Variants in ZMYM2 observed in about 807,000 individuals in gnomAD.
ZMYM2 encodes zinc finger MYM-type protein 2.
A neutral mutation model predicts 162.8 loss-of-function variants in ZMYM2; 56 were observed. The ratio of observed to expected loss-of-function variants is 0.34; its 90% confidence interval spans 0.28 to 0.43. ZMYM2 has a LOEUF of 0.43. Ranked by LOEUF, ZMYM2 falls within the 20% of genes least tolerant of loss-of-function variation. The pLI, the probability that ZMYM2 is intolerant of heterozygous loss-of-function variation, is 1.00. For synonymous variants in ZMYM2, 510 were observed against 541.6 expected (o/e 0.94, Z 0.81); for missense variants, 1,275 against 1,621.8 (o/e 0.79, Z 3.67).
At chr13:19,915,280 G>C in the ZMYM2 span, among the ~76,000 whole-genome samples, 1 of 151,744 alleles carries the variant, frequency 6.6e-6, no homozygotes, top group African/African-American at 2.4e-5. Context: ...AATTTTAAAA[G>C]AGATAGATCT....
chr13:19,983,801 CTATTTTTTG>C (rs67564320), intron 2 of ZMYM2, among the ~76,000 whole-genome samples: 10,371 of 151,704 alleles, frequency 0.068, 456 homozygotes, highest in African/African-American at 0.12. Context: ...TCTAATTTTC[CTATTTTTTG>C]TAGAGTTGGG....
chr13:19,939,020 A>ATTTTTT, the ZMYM2 span, among the ~76,000 whole-genome samples: 2 of 124,140 alleles, frequency 1.6e-5, no homozygotes, highest in Non-Finnish European at 3.3e-5. Context: ...CTTTGTTGTA[A>ATTTTTT]TTTTTTTTTT....
At chr13:19,999,406 C>G (rs1950238757) in intron 3 of ZMYM2, among the ~76,000 whole-genome samples, 1 of 152,070 alleles carries the variant, frequency 6.6e-6, no homozygotes. Flanking sequence ...TTACGGTGAT[C>G]TGTGATCAGT....
intron 15 of ZMYM2, 115 bp from the exon 16 acceptor site, chr13:20,059,330 TAA>T (rs11432433): frequency 2.8e-5 from 21 of 758,382 alleles, no homozygotes; most frequent in Admixed American, 2.0e-4. Flanking sequence ...AACTGGGAAT[TAA>T]AAAAAAAAAG....
intron 7 of ZMYM2, among the ~76,000 whole-genome samples, chr13:20,023,656 C>CA (rs1952312487): frequency 6.6e-6 from 1 of 151,866 alleles, no homozygotes; most frequent in Non-Finnish European, 1.5e-5. Context: ...TCCCCATGCC[C>CA]AAAAAGGGAA....
intron 2 of ZMYM2, among the ~76,000 whole-genome samples, chr13:19,989,353 G>T (rs1226907898): frequency 6.6e-6 from 1 of 152,102 alleles, no homozygotes; most frequent in Non-Finnish European, 1.5e-5. Context: ...ACCCAGGCTG[G>T]AGTGCAGTGG....
At chr13:20,001,911 T>C (rs562473984) in intron 3 of ZMYM2, among the ~76,000 whole-genome samples, 2 of 152,380 alleles carry the variant, frequency 1.3e-5, no homozygotes. Context: ...GTACACTTAA[T>C]AGACTACATT....
chr13:19,866,534 G>A, the ZMYM2 span, among the ~76,000 whole-genome samples: 3 of 151,584 alleles, frequency 2.0e-5, no homozygotes, highest in African/African-American at 7.3e-5. Flanking sequence ...GCGTGGTGGC[G>A]CATGCCTGTA....
At chr13:19,873,566 G>A in the ZMYM2 span, among the ~76,000 whole-genome samples, 1 of 151,878 alleles carries the variant, frequency 6.6e-6, no homozygotes, top group Non-Finnish European at 1.5e-5. Flanking sequence ...GTGTCACCAC[G>A]CCCAGCTAAT....
intron 2 of ZMYM2, among the ~76,000 whole-genome samples, chr13:19,969,576 C>A (rs9508984): frequency 0.026 from 3,938 of 152,132 alleles, 112 homozygotes; most frequent in East Asian, 0.13. Context: ...AAGTATAACT[C>A]AAGATATGAA....
At chr13:19,922,359 T>C in the ZMYM2 span, among the ~76,000 whole-genome samples, 7 of 152,296 alleles carry the variant, frequency 4.6e-5, no homozygotes, top group East Asian at 1.4e-3. Context: ...AGTTATAGTG[T>C]CCTGCGCGGC....
At chr13:19,920,800 G>A in the ZMYM2 span, among the ~76,000 whole-genome samples, 3 of 152,092 alleles carry the variant, frequency 2.0e-5, no homozygotes, top group Non-Finnish European at 4.4e-5. Flanking sequence ...GTCTCGCTCT[G>A]TCTCCAGGCT....
At chr13:19,919,872 A>C in the ZMYM2 span, among the ~76,000 whole-genome samples, 1 of 151,940 alleles carries the variant, frequency 6.6e-6, no homozygotes, top group Non-Finnish European at 1.5e-5. Context: ...ACGGAGTTTC[A>C]CCATGTTGGC....
intron 2 of ZMYM2, among the ~76,000 whole-genome samples, chr13:19,963,358 C>A (rs1376782347): frequency 6.6e-6 from 1 of 152,106 alleles, no homozygotes; most frequent in African/African-American, 2.4e-5. Context: ...GTATTCAGAT[C>A]AAAAAGTTCT....
chr13:20,065,700 A>T (rs1956622367), intron 19 of ZMYM2, among the ~76,000 whole-genome samples: 1 of 152,134 alleles, frequency 6.6e-6, no homozygotes, highest in Non-Finnish European at 1.5e-5. Flanking sequence ...GCTACCCAGG[A>T]GGAGGATCGA....
At chr13:19,966,083 T>C (rs1955738521) in intron 2 of ZMYM2, among the ~76,000 whole-genome samples, 2 of 151,862 alleles carry the variant, frequency 1.3e-5, no homozygotes, top group South Asian at 4.2e-4. Context: ...CAGGCCTGAA[T>C]TCTTATATAT....
At chr13:19,966,623 T>C (rs1955814119) in intron 2 of ZMYM2, among the ~76,000 whole-genome samples, 1 of 151,924 alleles carries the variant, frequency 6.6e-6, no homozygotes, top group Non-Finnish European at 1.5e-5. Context: ...GTATTTTTAG[T>C]ATAGACGGGG....
chr13:19,916,811 T>G, the ZMYM2 span, among the ~76,000 whole-genome samples: 7 of 152,160 alleles, frequency 4.6e-5, no homozygotes, highest in African/African-American at 1.7e-4. Flanking sequence ...TGTATACATA[T>G]GTAACAAACC....
At chr13:20,075,534 T>G (rs1957421627) in intron 21 of ZMYM2, among the ~76,000 whole-genome samples, 1 of 152,174 alleles carries the variant, frequency 6.6e-6, no homozygotes, top group Non-Finnish European at 1.5e-5. Context: ...TGAAAATGTT[T>G]GAGGAAGAAG....
Sources: allele counts gnomAD v4.1 joint callset (sites outside exome capture counted in the v4.1 genomes callset), GRCh38; gene constraint gnomAD v4.1.1; transcripts MANE v1.5; gene names NCBI Gene and HGNC (gene_info 2026-07-23, HGNC 2026-07-21).